Variants in GSTM3 observed in about 807,000 individuals in gnomAD.
GSTM3 encodes GST class-mu 3.
GSTM3 carries 34 observed loss-of-function variants against 36.1 expected under a neutral mutation model. That is an observed-to-expected ratio of 0.94 (90% CI 0.72 to 1.25). The LOEUF (loss-of-function observed/expected upper bound fraction) is 1.25, where lower values mean the gene tolerates loss of function less well. Among genes scored for constraint, GSTM3 ranks in the 50% most tolerant of loss-of-function variants. The pLI is 0.00. For missense variants in GSTM3, 266 were observed against 281.6 expected, an observed-to-expected ratio of 0.94 and a Z score of 0.40; for synonymous variants, 102 against 99.5, an observed-to-expected ratio of 1.03 and a Z score of -0.15.
Position 109,736,753 on chromosome 1 carries a change from G to A in GSTM3, c.*318C>T, listed in dbSNP as rs1649210571. 1 of 255,858 alleles carries A rather than the reference G, an allele frequency of 3.9e-6. No homozygotes were observed. Among genetic ancestry groups the A allele is most frequent in the East Asian group, 1.0e-4 (1 of 9,888 alleles). The allele number at this position is 255,858 out of a possible 1,614,324, so 15.8% of individuals were successfully genotyped here. A position where few individuals can be genotyped will look rare whatever the true frequency, so the allele number is the denominator to read the frequency against. On this transcript the variant is annotated 3_prime_UTR_variant, in exon 9 of 9. Transcript: ENST00000361066. The stretch of plus-strand genomic sequence containing the variant: ...GTTATCCTCACCCAGTCTTCACAGG[G>A]ACTCCAGTCCCATTTAACACACCTG...
At chr1:109,740,047 G>A in intron 2 of GSTM3, 139 bp from the exon 3 acceptor site, 1 of 883,872 alleles carries the variant, frequency 1.1e-6, no homozygotes, top group South Asian at 1.6e-5. Flanking sequence ...GCCCGGCTCC[G>A]GCGTGGTCTC....
chr1:109,737,744 A>G lies in GSTM3; in HGVS notation c.380T>C (p.Leu127Pro). The G allele has an allele frequency of 6.3e-7, 1 of 1,578,624 alleles. No individual in the cohort carries two copies. The highest frequency in any genetic ancestry group is 1.1e-5 in the South Asian group (1 of 87,726). The change falls in exon 7 of 9, where the codon CTG becomes CCG. Residue 127 changes from leucine to proline, a missense_variant. By Grantham distance (98) the Leu-to-Pro change is moderately conservative. Transcript: ENST00000361066. ...RLCYSSDHEK[L>P]KPQYLEELPG... ...TAGCTCTTCCAAGTACTGAGGCTTCAGTTTTTCCTGAGAGGAAAAAACAGA... is the reference window on the plus strand; with the variant it reads ...TAGCTCTTCCAAGTACTGAGGCTTCGGTTTTTCCTGAGAGGAAAAAACAGA...
At chr1:109,739,319 G>T (rs10735234) in intron 4 of GSTM3, 110 bp downstream of exon 4, 2 of 630,960 alleles carry the variant, frequency 3.2e-6, no homozygotes, top group Non-Finnish European at 5.7e-6. Flanking sequence ...TATTCTATCC[G>T]GGTTAAGATC....
At chr1:109,738,390 A>C (rs1204288521) in intron 4 of GSTM3, 24 bp from the exon 5 acceptor site, 7 of 1,480,234 alleles carry the variant, frequency 4.7e-6, no homozygotes, top group Admixed American at 1.7e-5. Flanking sequence ...GACAGGACAA[A>C]TGAACAACCT....
chr1:109,736,786 C>T lies in GSTM3; in HGVS notation c.*285G>A. 2.7e-6 allele frequency: 1 copy of T among 372,434 alleles called. No individual in the cohort carries two copies. Among genetic ancestry groups the T allele is most frequent in the South Asian group, 3.0e-5 (1 of 33,762 alleles). 23.1% of individuals were successfully genotyped at this position (372,434 alleles called of 1,614,324 possible). ...TCCCATTTAACACACCTGCTCTCTC[C>T]AACTGTGCAATCTCGTTTTTTCTAG... is the stretch of plus-strand genomic sequence containing the variant. On this transcript the variant is annotated 3_prime_UTR_variant, in exon 9 of 9. Coordinates refer to ENST00000361066, the MANE Select transcript of GSTM3 (RefSeq NM_000849.5).
chr1:109,738,708 G>A (rs189402307), intron 4 of GSTM3, among the ~76,000 whole-genome samples: 2 of 152,300 alleles, frequency 1.3e-5, no homozygotes, highest in Admixed American at 6.5e-5. Flanking sequence ...GCATTAAATA[G>A]CAAGCAGATG....
rs1649169694 is a variant in GSTM3, at chr1:109,735,436, A to C, written c.*1635T>G. 2.6e-5 allele frequency: 4 copies of C among 152,164 alleles called. No homozygotes were observed. The South Asian group carries it at 8.3e-4, about 32-fold the overall frequency. The allele number at this position is 152,164 out of a possible 1,614,324, so 9.4% of individuals were successfully genotyped here. ...CTGATCCTCTCACCTCAGCCTCTGA[A>C]GGTGTTGTTATTACAGCTGTGAGCA... On this transcript the variant is annotated 3_prime_UTR_variant, in exon 9 of 9. Coordinates refer to ENST00000361066, the MANE Select transcript of GSTM3 (RefSeq NM_000849.5).
chr1:109,740,147 A>T, intron 2 of GSTM3, 93 bp downstream of exon 2: 1 of 1,178,634 alleles, frequency 8.5e-7, no homozygotes, highest in Admixed American at 1.9e-5. Context: ...TCCCGCGTAG[A>T]GCTGCTCCTG....
At position 109,738,169 on chromosome 1, in the gene GSTM3, CT is replaced by C. The variant is rs765213309; in HGVS notation, c.293del (p.Lys98ArgfsTer7). 6.8e-6 allele frequency: 11 copies of C among 1,613,600 alleles called. No homozygotes were observed. In the South Asian group the frequency reaches 1.2e-4, roughly 18 times the overall value. ...GGTTCTCTATGATGTCCACTCGAAT[CT>C]TTTCTTCTTCAGTCTCACCACCTGT... ...HNMCGETEEEKIRVDIIENQV... is the reference protein window; with the variant it reads ...HNMCGETEEEXIRVDIIENQV... On this transcript the variant is annotated frameshift_variant, in exon 6 of 9. Coordinates refer to ENST00000361066, the MANE Select transcript of GSTM3 (RefSeq NM_000849.5). LOFTEE classifies it high-confidence loss of function.
chr1:109,734,629 AAT>A lies in GSTM3; in HGVS notation c.*2440_*2441del, dbSNP rs1172280237. On this transcript the variant is annotated 3_prime_UTR_variant, in exon 9 of 9. Coordinates refer to ENST00000361066, the MANE Select transcript of GSTM3 (RefSeq NM_000849.5). Reference sequence around the variant, plus strand: ...TCCCTCACACTATGGAAATTATATCAATAGTTATCAGACTGAAAAACTTCTGA... The same window carrying A: ...TCCCTCACACTATGGAAATTATATCAAGTTATCAGACTGAAAAACTTCTGA... The A allele has an allele frequency of 6.6e-6, 1 of 152,240 alleles. No homozygotes were observed. The highest frequency in any genetic ancestry group is 1.5e-5 in the Non-Finnish European group (1 of 68,062). 9.4% of individuals were successfully genotyped at this position (152,240 alleles called of 1,614,324 possible). A position where few individuals can be genotyped will look rare whatever the true frequency, so the allele number is the denominator to read the frequency against.
chr1:109,737,107 G>A lies in GSTM3; in HGVS notation c.642C>T (p.Asn214=). 6.2e-7 allele frequency: 1 copy of A among 1,613,194 alleles called. No individual in the cohort carries two copies. The highest frequency in any genetic ancestry group is 1.1e-5 in the South Asian group (1 of 91,054). Reference sequence around the variant, plus strand: ...GCTTGTTGCCCCACTGGGCCATCTTGTTGTTGATGGGCATCTTGCAGAACT... The same window carrying A: ...GCTTGTTGCCCCACTGGGCCATCTTATTGTTGATGGGCATCTTGCAGAACT... ...SDQFCKMPIN[N]KMAQWGNKPV... The change falls in exon 9 of 9, where the codon AAC becomes AAT. Residue 214 remains asparagine, a synonymous_variant. Transcript: ENST00000361066.
In GSTM3 at chr1:109,735,426, C is replaced by T. The variant is rs1649169332; in HGVS notation, c.*1645G>A. The T allele has an allele frequency of 6.6e-6, 1 of 152,208 alleles. No individual in the cohort carries two copies. The allele number at this position is 152,208 out of a possible 1,614,324, so 9.4% of individuals were successfully genotyped here. On this transcript the variant is annotated 3_prime_UTR_variant, in exon 9 of 9. Coordinates refer to ENST00000361066, the MANE Select transcript of GSTM3 (RefSeq NM_000849.5). ...CTGGCCTCAACTGATCCTCTCACCT[C>T]AGCCTCTGAAGGTGTTGTTATTACA...
intron 2 of GSTM3, 84 bp downstream of exon 2, chr1:109,740,156 T>G (rs1463399390): frequency 1.6e-6 from 2 of 1,251,358 alleles, no homozygotes; most frequent in East Asian, 4.9e-5. Context: ...GAGCTGCTCC[T>G]GCTGGAGATC....
Position 109,738,379 on chromosome 1 carries a change from G to A in GSTM3, c.190-13C>T. 1 of 1,592,602 alleles carries A rather than the reference G, an allele frequency of 6.3e-7. No homozygotes were observed. Among genetic ancestry groups the A allele is most frequent in the Non-Finnish European group, 8.6e-7 (1 of 1,160,470 alleles). On this transcript the variant is annotated splice_polypyrimidine_tract_variant and intron_variant, in intron 4 of 8. Coordinates refer to ENST00000361066, the MANE Select transcript of GSTM3 (RefSeq NM_000849.5). ...GGAGGTAGGGCAGCTGAAAGGAAAAGGACAGGACAAATGAACAACCTGCCT... is the reference window on the plus strand; with the variant it reads ...GGAGGTAGGGCAGCTGAAAGGAAAAAGACAGGACAAATGAACAACCTGCCT...
In GSTM3 at chr1:109,739,415, C is replaced by T. The variant is rs762265090; in HGVS notation, c.189+14G>A. 6.2e-7 allele frequency: 1 copy of T among 1,601,642 alleles called. No homozygotes were observed. The highest frequency in any genetic ancestry group is 1.1e-5 in the South Asian group (1 of 90,680). On this transcript the variant is annotated intron_variant, in intron 4 of 8. Coordinates refer to ENST00000361066, the MANE Select transcript of GSTM3 (RefSeq NM_000849.5). ...CTTTCCCTTCTGCCCGCCACCTCTA[C>T]TAAAGCCACTTACATTAGGAAAGTC...
chr1:109,737,759 G>C lies in GSTM3; in HGVS notation c.373-8C>G. The C allele has an allele frequency of 6.7e-7, 1 of 1,492,572 alleles. No homozygotes were observed. The highest frequency in any genetic ancestry group is 2.3e-5 in the East Asian group (1 of 44,320). 92.5% of individuals were successfully genotyped at this position (1,492,572 alleles called of 1,614,324 possible). ...CTGAGGCTTCAGTTTTTCCTGAGAG[G>C]AAAAAACAGAATGAGAATAGTGGTG... On this transcript the variant is annotated splice_polypyrimidine_tract_variant and splice_region_variant and intron_variant, in intron 6 of 8. Transcript: ENST00000361066.
chr1:109,737,779 G>T (rs1223667479), intron 6 of GSTM3, 28 bp from the exon 7 acceptor site: 2 of 1,316,866 alleles, frequency 1.5e-6, no homozygotes, highest in East Asian at 4.6e-5. Flanking sequence ...AATGAGAATA[G>T]TGGTGATCAT....
At chr1:109,740,209 C>A (rs779668790) in intron 2 of GSTM3, 31 bp downstream of exon 2, 2 of 1,601,266 alleles carry the variant, frequency 1.2e-6, no homozygotes, top group Non-Finnish European at 1.7e-6. Flanking sequence ...TCTCTTTGAC[C>A]GAGCGGCTCT....
rs1444158332 is a variant in GSTM3, at chr1:109,737,202, C to G, written c.580-33G>C. 6 of 1,425,284 alleles carry G rather than the reference C, an allele frequency of 4.2e-6. No individual in the cohort carries two copies. In the African/African-American group the frequency reaches 8.4e-5, roughly 20 times the overall value. 88.3% of individuals were successfully genotyped at this position (1,425,284 alleles called of 1,614,324 possible). A position where few individuals can be genotyped will look rare whatever the true frequency, so the allele number is the denominator to read the frequency against. ...GAAAATACACCAAATCTTATAACGA[C>G]CCCAACCCAGTCCAACAGATGCATA... On this transcript the variant is annotated intron_variant, in intron 8 of 8. Coordinates refer to ENST00000361066, the MANE Select transcript of GSTM3 (RefSeq NM_000849.5).
Sources: gnomAD v4.1 joint callset for allele counts (sites outside exome capture counted in the v4.1 genomes callset) on GRCh38, gnomAD v4.1.1 for gene constraint, MANE v1.5 for transcripts, NCBI Gene and HGNC (gene_info 2026-07-23, HGNC 2026-07-21) for gene names.